Variants in TAMALIN observed in about 807,000 individuals in gnomAD.
The protein encoded by TAMALIN is trafficking regulator and scaffold protein tamalin, also known as protein TAMALIN.
TAMALIN carries 9 observed loss-of-function variants against 38.5 expected under a neutral mutation model. The ratio of observed to expected loss-of-function variants is 0.23; its 90% CI spans 0.14 to 0.41. The LOEUF (loss-of-function observed/expected upper bound fraction) is 0.41, where lower values mean the gene tolerates loss of function less well. Among genes scored for constraint, TAMALIN ranks in the 10% least tolerant of loss-of-function variants. The pLI is 1.00. For synonymous variants in TAMALIN, 306 were observed against 256.5 expected (o/e 1.19, Z -1.85); for missense variants, 548 against 554.1 (o/e 0.99, Z 0.11).
intron 3 of TAMALIN, 25 bp downstream of exon 3, chr12:52,010,960 CA>C (rs762640915): frequency 5.6e-6 from 9 of 1,613,972 alleles, no homozygotes; most frequent in Admixed American, 3.3e-5. Flanking sequence ...ACACAGGGGT[CA>C]GGGGGGTTGG....
At position 52,011,181 on chromosome 12, in the gene TAMALIN, A is replaced by T; in HGVS notation, c.454+40A>T. 6.2e-7 allele frequency: 1 copy of T among 1,605,664 alleles called. No individual in the cohort carries two copies. Among genetic ancestry groups the T allele is most frequent in the South Asian group, 1.1e-5 (1 of 91,076 alleles). Reference sequence around the variant, plus strand: ...CAGGACACCCAGGTCTGGGAAGGGGATATGACCTTACTCCCAAGCAAAGGG... The same window carrying T: ...CAGGACACCCAGGTCTGGGAAGGGGTTATGACCTTACTCCCAAGCAAAGGG... On this transcript the variant is annotated intron_variant, in intron 4 of 7. Transcript: ENST00000293662. This position sits in a 1 kb window ranked among gnomAD's most constrained non-coding sequence, Gnocchi z 5.3.
In TAMALIN at chr12:52,015,038, G is replaced by C; in HGVS notation, c.1027G>C (p.Gly343Arg). Residue 343 changes from glycine (G) to arginine (R), a missense_variant, in exon 8 of 8, where the codon GGA (glycine) becomes CGA (arginine). By Grantham distance (125) the Gly-to-Arg change is moderately radical. Coordinates refer to ENST00000293662, the MANE Select transcript of TAMALIN (RefSeq NM_181711.4). ...SVRCAGPGGG[G>R]GGGAPGALWT... ...GCGGTGCGCGGGCCCTGGCGGGGGC[G>C]GAGGCGGGGGCGCGCCGGGCGCGCT... The C allele has an allele frequency of 1.5e-6, 2 of 1,334,882 alleles. No individual in the cohort carries two copies. Among genetic ancestry groups the C allele is most frequent in the Non-Finnish European group, 1.9e-6 (2 of 1,048,006 alleles). The allele number at this position is 1,334,882 out of a possible 1,614,324, so 82.7% of individuals were successfully genotyped here.
Position 52,007,589 on chromosome 12 carries a change from G to A in TAMALIN, c.246+324G>A, listed in dbSNP as rs1942435480. The A allele has an allele frequency of 1.0e-6, 1 of 984,920 alleles. No homozygotes were observed. The highest frequency in any genetic ancestry group is 1.7e-5 in the African/African-American group (1 of 57,204). The allele number at this position is 984,920 out of a possible 1,614,324, so 61.0% of individuals were successfully genotyped here. A position where few individuals can be genotyped will look rare whatever the true frequency, so the allele number is the denominator to read the frequency against. ...CCATGCCCCGCCTCCCCGTGGCCAG[G>A]TGTCCTGGGTCCCCAGGAGCCCCTC... On this transcript the variant is annotated intron_variant, in intron 1 of 7. Coordinates refer to ENST00000293662, the MANE Select transcript of TAMALIN (RefSeq NM_181711.4). The surrounding 1 kb of genome is among the most constrained non-coding windows in gnomAD (Gnocchi z 6.7).
chr12:52,013,606 C>T, intron 4 of TAMALIN, 81 bp from the exon 5 acceptor site: 1 of 1,188,440 alleles, frequency 8.4e-7, no homozygotes, highest in South Asian at 1.2e-5. Context: ...ACCCACCCTT[C>T]TCCCCTTTCT....
intron 4 of TAMALIN, 36 bp from the exon 5 acceptor site, chr12:52,013,651 C>T: frequency 6.3e-7 from 1 of 1,590,238 alleles, no homozygotes; most frequent in Middle Eastern, 1.8e-4. Context: ...TAGCATGCCC[C>T]ATGGAGCAAA....
chr12:52,014,877 T>G lies in TAMALIN; in HGVS notation c.866T>G (p.Phe289Cys). 2.4e-6 allele frequency: 3 copies of G among 1,262,152 alleles called. No individual in the cohort carries two copies. The highest frequency in any genetic ancestry group is 1.9e-5 in the South Asian group (1 of 51,632). 78.2% of individuals were successfully genotyped at this position (1,262,152 alleles called of 1,614,324 possible). ...GACGACGCCGTCTACCACACGTGCT[T>G]CTTCGGGGACTCCGAGCCGCCGGCG... ...DADDAVYHTC[F>C]FGDSEPPALP... is the part of the protein sequence containing the mutation. The change falls in exon 8 of 8, where the codon TTC becomes TGC. Residue 289 changes from phenylalanine (F) to cysteine (C), a missense_variant. Around this residue, in one of 3 missense-constraint regions of TAMALIN, gnomAD observed 415 missense variants for 417.0 expected, o/e 1.00. Transcript: ENST00000293662.
chr12:52,013,433 T>G, intron 4 of TAMALIN: 1 of 471,256 alleles, frequency 2.1e-6, no homozygotes, highest in Non-Finnish European at 3.9e-6. Context: ...TCCCCACCCT[T>G]TGGCTGGGGT....
chr12:52,012,137 G>A (rs1011648029), intron 4 of TAMALIN, among the ~76,000 whole-genome samples: 2 of 152,126 alleles, frequency 1.3e-5, no homozygotes, highest in African/African-American at 4.8e-5. Flanking sequence ...GACAAAACAT[G>A]GGTGATCTTG....
At position 52,007,102 on chromosome 12, in the gene TAMALIN, C is replaced by T. The variant is rs1457124465; in HGVS notation, c.83C>T (p.Ser28Leu). ...GACCCCGCCGCCCGGACTCCCGACT[C>T]GGAAGTCGCGCCCGCCGCTCCGGTC... The part of the protein sequence containing the change: ...TPDPAARTPD[S>L]EVAPAAPVPT... Residue 28 changes from serine (S) to leucine (L), a missense_variant, in exon 1 of 8, where the codon TCG becomes TTG. Ser to Leu is a moderately radical substitution (Grantham distance 145, BLOSUM62 -2). Transcript: ENST00000293662. This position sits in a 1 kb window ranked among gnomAD's most constrained non-coding sequence, Gnocchi z 6.7. 4 of 1,482,204 alleles carry T rather than the reference C, an allele frequency of 2.7e-6. No homozygotes were observed. Among genetic ancestry groups the T allele is most frequent in the Non-Finnish European group, 3.6e-6 (4 of 1,124,074 alleles). The allele number at this position is 1,482,204 out of a possible 1,614,324, so 91.8% of individuals were successfully genotyped here.
At chr12:52,010,636 A>G (rs936078235) in intron 2 of TAMALIN, 3 of 1,105,350 alleles carry the variant, frequency 2.7e-6, no homozygotes, top group Admixed American at 3.3e-5. Flanking sequence ...CCTTCAGGGG[A>G]CCGGCCCTTC....
In TAMALIN at chr12:52,013,911, G is replaced by A. The variant is rs1158474668; in HGVS notation, c.583G>A (p.Ala195Thr). ...ETLYGTSIRKAELEARLQYLK... is the reference protein window; with the variant it reads ...ETLYGTSIRKTELEARLQYLK... ...TCTATATGGGACATCAATTCGGAAG[G>A]CAGAACTGGAGGCTCGTCTGCAGTA... The change falls in exon 6 of 8, where the codon GCA becomes ACA. Residue 195 changes from alanine (A) to threonine (T), a missense_variant. Around this residue, in one of 3 missense-constraint regions of TAMALIN, gnomAD observed 415 missense variants for 417.0 expected, o/e 1.00. Transcript: ENST00000293662. The A allele has an allele frequency of 6.2e-7, 1 of 1,614,008 alleles. No homozygotes were observed. The highest frequency in any genetic ancestry group is 1.3e-5 in the African/African-American group (1 of 74,912).
chr12:52,015,044 G>GGGGGCGCGC lies in TAMALIN; in HGVS notation c.1034_1042dup (p.Ala347_Pro348insArgGlyAla). 1 of 1,354,222 alleles carries GGGGGCGCGC rather than the reference G, an allele frequency of 7.4e-7. No individual in the cohort carries two copies. Among genetic ancestry groups the GGGGGCGCGC allele is most frequent in the Non-Finnish European group, 9.4e-7 (1 of 1,059,916 alleles). The allele number at this position is 1,354,222 out of a possible 1,614,324, so 83.9% of individuals were successfully genotyped here. On this transcript the variant is annotated inframe_insertion, in exon 8 of 8. Transcript: ENST00000293662. ...CGCGGGCCCTGGCGGGGGCGGAGGC[G>GGGGGCGCGC]GGGGCGCGCCGGGCGCGCTCTGGAC...
Position 52,007,109 on chromosome 12 carries a change from C to T in TAMALIN, c.90C>T (p.Val30=). 1 of 1,481,952 alleles carries T rather than the reference C, an allele frequency of 6.7e-7. No individual in the cohort carries two copies. The highest frequency in any genetic ancestry group is 2.9e-5 in the East Asian group (1 of 34,168). 91.8% of individuals were successfully genotyped at this position (1,481,952 alleles called of 1,614,324 possible). A position where few individuals can be genotyped will look rare whatever the true frequency, so the allele number is the denominator to read the frequency against. The stretch of plus-strand genomic sequence containing the variant: ...CCGCCCGGACTCCCGACTCGGAAGT[C>T]GCGCCCGCCGCTCCGGTCCCGACCC... ...DPAARTPDSE[V]APAAPVPTPG... The change falls in exon 1 of 8, where the codon GTC becomes GTT. Residue 30 remains valine (V), a synonymous_variant. Coordinates refer to ENST00000293662, the MANE Select transcript of TAMALIN (RefSeq NM_181711.4). This position sits in a 1 kb window ranked among gnomAD's most constrained non-coding sequence, Gnocchi z 6.7.
At chr12:52,009,094 G>A in intron 1 of TAMALIN, 96 bp from the exon 2 acceptor site, 1 of 1,190,128 alleles carries the variant, frequency 8.4e-7, no homozygotes, top group Non-Finnish European at 1.2e-6. Context: ...GGAAGGGGCA[G>A]ACAGGAAGTG....
At chr12:52,008,826 G>A in intron 1 of TAMALIN, 1 of 908,016 alleles carries the variant, frequency 1.1e-6, no homozygotes, top group Non-Finnish European at 1.3e-6. Flanking sequence ...AGCTTTGGGA[G>A]TCTGGATGGC....
chr12:52,007,439 C>T lies in TAMALIN; in HGVS notation c.246+174C>T, dbSNP rs1198794267. 3 of 985,236 alleles carry T rather than the reference C, an allele frequency of 3.0e-6. No homozygotes were observed. The highest frequency in any genetic ancestry group is 3.6e-6 in the Non-Finnish European group (3 of 829,848). 61.0% of individuals were successfully genotyped at this position (985,236 alleles called of 1,614,324 possible). On this transcript the variant is annotated intron_variant, in intron 1 of 7. Transcript: ENST00000293662. The surrounding 1 kb of genome is among the most constrained non-coding windows in gnomAD (Gnocchi z 6.7). The stretch of plus-strand genomic sequence containing the variant: ...CCGCTGCTGCGAAGGCCGTGGCCCT[C>T]GCCTGCACACCGCGCCCAGGCTCGG...
In TAMALIN at chr12:52,014,727, C is replaced by T; in HGVS notation, c.716C>T (p.Thr239Met). ...GTGAAGGACCCCAGCATCTACGACA[C>T]GCTGGAGTCGGTGCGCTCCTGCCTC... is the stretch of plus-strand genomic sequence containing the variant. ...LVVKDPSIYD[T>M]LESVRSCLYG... The change falls in exon 8 of 8, where the codon ACG (threonine) becomes ATG (methionine). Residue 239 changes from threonine (T) to methionine (M), a missense_variant. Around this residue, in one of 3 missense-constraint regions of TAMALIN, gnomAD observed 415 missense variants for 417.0 expected, o/e 1.00. Transcript: ENST00000293662. 4 of 1,519,188 alleles carry T rather than the reference C, an allele frequency of 2.6e-6. No individual in the cohort carries two copies. The highest frequency in any genetic ancestry group is 2.5e-5 in the East Asian group (1 of 40,120). The allele number at this position is 1,519,188 out of a possible 1,614,324, so 94.1% of individuals were successfully genotyped here.
At position 52,007,685 on chromosome 12, in the gene TAMALIN, G is replaced by A. The variant is rs1478073187; in HGVS notation, c.246+420G>A. 9.1e-6 allele frequency: 9 copies of A among 985,282 alleles called. No individual in the cohort carries two copies. The allele number at this position is 985,282 out of a possible 1,614,324, so 61.0% of individuals were successfully genotyped here. A position where few individuals can be genotyped will look rare whatever the true frequency, so the allele number is the denominator to read the frequency against. Reference sequence around the variant, plus strand: ...CCCCCGGTGGGAGAAGCGGGCCGGTGGCTGCGCCGCGTGCGTTCTCACTCT... The same window carrying A: ...CCCCCGGTGGGAGAAGCGGGCCGGTAGCTGCGCCGCGTGCGTTCTCACTCT... On this transcript the variant is annotated intron_variant, in intron 1 of 7. Coordinates refer to ENST00000293662, the MANE Select transcript of TAMALIN (RefSeq NM_181711.4). The surrounding 1 kb of genome is among the most constrained non-coding windows in gnomAD (Gnocchi z 6.7).
chr12:52,009,200 T>G lies in TAMALIN; in HGVS notation c.257T>G (p.Phe86Cys), dbSNP rs1942459801. The G allele has an allele frequency of 6.2e-7, 1 of 1,613,926 alleles. No individual in the cohort carries two copies. The highest frequency in any genetic ancestry group is 1.3e-5 in the African/African-American group (1 of 74,896). Residue 86 changes from phenylalanine to cysteine, a missense_variant, in exon 2 of 8, where the codon TTC (phenylalanine) becomes TGC (cysteine). Around this residue, in one of 3 missense-constraint regions of TAMALIN, gnomAD observed 5 missense variants for 19.2 expected, o/e 0.26. Coordinates refer to ENST00000293662, the MANE Select transcript of TAMALIN (RefSeq NM_181711.4). ...CATCTTACTGCCCAGGGCTCAGGAT[T>G]CCGCTGGAAGAATCTCAGCCAGAGT... is the stretch of plus-strand genomic sequence containing the variant. ...GTLPRRKGSG[F>C]RWKNLSQSPE...
Sources: gnomAD v4.1 joint callset for allele counts (sites outside exome capture counted in the v4.1 genomes callset) on GRCh38, gnomAD v4.1.1 for gene constraint, gnomAD v4.1.1 regional missense constraint, Gnocchi (gnomAD v3.1) non-coding constraint, MANE v1.5 for transcripts, NCBI Gene and HGNC (gene_info 2026-07-23, HGNC 2026-07-21) for gene names.